The following BICD1 variants were observed in gnomAD, a reference collection of about 807,000 sequenced individuals.
The protein encoded by BICD1 is protein bicaudal D homolog 1.
Under a neutral mutation model 92.5 loss-of-function variants are expected in BICD1, and 35 were observed. The observed-to-expected ratio is 0.38, with a 90% CI of 0.29 to 0.50. The LOEUF is 0.50. Among genes scored for constraint, BICD1 ranks in the 20% least tolerant of loss-of-function variants. The probability of loss-of-function intolerance (pLI) is 0.93; values close to 1 mark genes in which losing one functional copy is unlikely to be tolerated. For missense variants in BICD1, 950 were observed against 1,189.8 expected, an observed-to-expected ratio of 0.80 and a Z score of 2.97; for synonymous variants, 429 against 465.1, an observed-to-expected ratio of 0.92 and a Z score of 1.00.
At chr12:32,148,785 T>C (rs898228308) in intron 1 of BICD1, among the ~76,000 whole-genome samples, 1 of 152,130 alleles carries the variant, frequency 6.6e-6, no homozygotes, top group Non-Finnish European at 1.5e-5. Flanking sequence ...TTTAGGAGGC[T>C]GAGGTGGGAG....
At chr12:32,253,960 C>T (rs907088538) in intron 2 of BICD1, among the ~76,000 whole-genome samples, 3 of 148,014 alleles carry the variant, frequency 2.0e-5, no homozygotes, top group South Asian at 4.2e-4. Flanking sequence ...CTGCTGTATC[C>T]CACCTGTCAT....
chr12:32,216,196 G>T, intron 1 of BICD1, 51 bp from the exon 2 acceptor site: 3 of 1,568,584 alleles, frequency 1.9e-6, no homozygotes, highest in Non-Finnish European at 1.7e-6. Context: ...CTTAAAAGAG[G>T]GTTATGATGC....
chr12:32,351,774 A>T (rs1365698990), intron 8 of BICD1, among the ~76,000 whole-genome samples: 5 of 151,064 alleles, frequency 3.3e-5, no homozygotes, highest in Admixed American at 6.6e-5. Flanking sequence ...ATGGTGGTGC[A>T]TTCCTGTAAT....
At chr12:32,192,990 G>A (rs1716104997) in intron 1 of BICD1, among the ~76,000 whole-genome samples, 1 of 152,218 alleles carries the variant, frequency 6.6e-6, no homozygotes, top group East Asian at 1.9e-4. Flanking sequence ...AGATGCTGTG[G>A]ATATTGTTGA....
chr12:32,373,362 A>G (rs183163773), intron 9 of BICD1, among the ~76,000 whole-genome samples: 2 of 152,350 alleles, frequency 1.3e-5, no homozygotes, highest in East Asian at 3.9e-4. Context: ...TACACATAAT[A>G]TACACCATGT....
chr12:32,159,635 C>T (rs894547891), intron 1 of BICD1, among the ~76,000 whole-genome samples: 4 of 152,116 alleles, frequency 2.6e-5, no homozygotes, highest in African/African-American at 7.2e-5. Context: ...CCAGCAGGTG[C>T]GATTCTGGAA....
chr12:32,175,550 C>T (rs1316416734), intron 1 of BICD1, among the ~76,000 whole-genome samples: 6 of 152,150 alleles, frequency 3.9e-5, no homozygotes, highest in African/African-American at 4.8e-5. Flanking sequence ...CTGCTGACCT[C>T]GGGTGATCCA....
intron 9 of BICD1, among the ~76,000 whole-genome samples, chr12:32,375,118 G>A (rs1008683462): frequency 1.0e-4 from 15 of 150,326 alleles, no homozygotes; most frequent in Admixed American, 9.9e-4. Flanking sequence ...GTAGAGACGG[G>A]GTTTCACCAT....
intron 1 of BICD1, among the ~76,000 whole-genome samples, chr12:32,138,719 C>T (rs755899132): frequency 2.0e-5 from 3 of 152,046 alleles, no homozygotes; most frequent in Non-Finnish European, 4.4e-5. Flanking sequence ...GTAGGTGAGG[C>T]TAAGTAAGCT....
At chr12:32,209,769 G>A (rs966732009) in intron 1 of BICD1, among the ~76,000 whole-genome samples, 1 of 152,106 alleles carries the variant, frequency 6.6e-6, no homozygotes, top group Non-Finnish European at 1.5e-5. Context: ...TCCAGTCTCT[G>A]CCCAAAGGTC....
intron 8 of BICD1, among the ~76,000 whole-genome samples, chr12:32,359,921 C>T (rs1428678873): frequency 6.6e-6 from 1 of 152,124 alleles, no homozygotes; most frequent in African/African-American, 2.4e-5. Flanking sequence ...CGCAATGGCT[C>T]ACACCTGTAA....
intron 2 of BICD1, chr12:32,227,964 GTTC>G (rs150975193): frequency 0.071 from 15,508 of 218,296 alleles, 617 homozygotes; most frequent in Middle Eastern, 0.12. Context: ...GCTTCATGGA[GTTC>G]TTCTTCTTGG....
rs555671454 is a variant in BICD1 at position 32,112,100 on chromosome 12, G to C, written c.213+4556G>C. Among the ~76,000 whole-genome samples, 38 of 141,654 alleles carry C rather than the reference G, an allele frequency of 2.7e-4. 1 individual carries two copies. Among genetic ancestry groups the C allele is most frequent in the African/African-American group, 9.5e-4 (36 of 37,852 alleles). The allele number at this position is 141,654 out of a possible 152,430, so 92.9% of individuals were successfully genotyped here. ...CGGCTCACCGCAAATTCTGCCTCTT[G>C]GGTTCAAGTGATTCTTCTGCTTCAG... On this transcript the variant is annotated intron_variant, in intron 1 of 9. Transcript: ENST00000652176.
chr12:32,358,555 G>A (rs527287255), intron 8 of BICD1, among the ~76,000 whole-genome samples: 2 of 152,056 alleles, frequency 1.3e-5, no homozygotes, highest in South Asian at 4.2e-4. Context: ...TGGCCAACAT[G>A]GCGAAACCCC....
chr12:32,211,897 A>T (rs1460841456), intron 1 of BICD1, among the ~76,000 whole-genome samples: 1 of 152,210 alleles, frequency 6.6e-6, no homozygotes, highest in Admixed American at 6.5e-5. Flanking sequence ...TGGATACTGA[A>T]TTCAGAATTG....
At chr12:32,241,103 T>C (rs990612023) in intron 2 of BICD1, among the ~76,000 whole-genome samples, 1 of 152,174 alleles carries the variant, frequency 6.6e-6, no homozygotes, top group Admixed American at 6.6e-5. Context: ...AGAAACACCA[T>C]TGAGTTGGCA....
intron 1 of BICD1, among the ~76,000 whole-genome samples, chr12:32,118,144 C>T (rs1035879517): frequency 3.3e-4 from 49 of 150,440 alleles, no homozygotes; most frequent in Admixed American, 2.7e-3. Flanking sequence ...TGCAGTGGCG[C>T]GAACTCGGCT....
chr12:32,350,650 T>C (rs1344538426), intron 8 of BICD1, among the ~76,000 whole-genome samples: 1 of 152,188 alleles, frequency 6.6e-6, no homozygotes, highest in Non-Finnish European at 1.5e-5. Context: ...CAGGGATTCC[T>C]CTTGCATATC....
intron 4 of BICD1, among the ~76,000 whole-genome samples, chr12:32,314,340 G>A (rs1053261272): frequency 7.4e-5 from 11 of 148,656 alleles, no homozygotes; most frequent in African/African-American, 2.7e-4. Flanking sequence ...ACCTTCTGAG[G>A]AACTGCTAGT....
Sources: gnomAD v4.1 joint callset for allele counts (sites outside exome capture counted in the v4.1 genomes callset) on GRCh38, gnomAD v4.1.1 for gene constraint, MANE v1.5 for transcripts, NCBI Gene and HGNC (gene_info 2026-07-23, HGNC 2026-07-21) for gene names.